The following TG variants were observed in gnomAD, a reference collection of about 807,000 sequenced individuals.
The protein encoded by TG is thyroglobulin.
In TG, 270 loss-of-function variants were observed where a neutral mutation model predicts 324.7. The observed-to-expected ratio is 0.83, with a 90% CI of 0.75 to 0.92. The LOEUF is 0.92. Among genes scored for constraint, TG ranks in the 40% least tolerant of loss-of-function variants. The pLI is 0.00. For missense variants in TG, 3,591 were observed against 3,456.4 expected (o/e 1.04, Z -0.98); for synonymous variants, 1,401 against 1,327.0 (o/e 1.06, Z -1.21).
chr8:133,115,972 T>C (rs1850647503), intron 44 of TG, among the ~76,000 whole-genome samples: 1 of 152,146 alleles, frequency 6.6e-6, no homozygotes, highest in African/African-American at 2.4e-5. Context: ...CCTTTTCCAC[T>C]GTAGGATGTT....
chr8:132,924,119 G>A (rs1278314508), intron 22 of TG, among the ~76,000 whole-genome samples: 1 of 151,922 alleles, frequency 6.6e-6, no homozygotes, highest in East Asian at 1.9e-4. Context: ...CCTGCAACTA[G>A]ATGGTCCCAT....
chr8:132,955,296 C>T (rs1826688434), intron 27 of TG, among the ~76,000 whole-genome samples: 1 of 152,180 alleles, frequency 6.6e-6, no homozygotes, highest in African/African-American at 2.4e-5. Context: ...CGCAACCTGT[C>T]ACCTGTTCAG....
At chr8:132,980,996 A>G (rs993050363) in intron 34 of TG, among the ~76,000 whole-genome samples, 3 of 152,192 alleles carry the variant, frequency 2.0e-5, no homozygotes, top group African/African-American at 4.8e-5. Context: ...TTAAAAGGTT[A>G]AGAAGCTGTT....
intron 41 of TG, among the ~76,000 whole-genome samples, chr8:133,058,153 A>G (rs916715070): frequency 2.0e-5 from 3 of 152,230 alleles, no homozygotes; most frequent in Admixed American, 6.5e-5. Flanking sequence ...TTAACACGGC[A>G]TCACTGCACC....
rs141306917 is a variant in TG at position 132,871,489 on chromosome 8, G to A, written c.416G>A (p.Trp139Ter). 6.8e-5 allele frequency: 109 copies of A among 1,614,076 alleles called. 1 individual carries two copies. The highest frequency in any genetic ancestry group is 8.1e-5 in the Non-Finnish European group (95 of 1,180,036). Reference protein sequence around the residue: ...VQCDVQQVQCWCVDAEGMEVY... With the variant: ...VQCDVQQVQC ...TGTGATGTGCAGCAGGTCCAGTGCT[G>A]GTGTGTGGACGCAGAGGGGATGGAG... Residue 139 changes from tryptophan to a stop codon, truncating the protein, a stop_gained, in exon 4 of 48, where the codon TGG becomes TAG. Transcript: ENST00000220616. LOFTEE classifies it high-confidence loss of function.
rs532523067 is a variant in TG, at chr8:132,964,185, A to G, written c.5548+1111A>G. Among the ~76,000 whole-genome samples, 5 of 152,036 alleles carry G rather than the reference A, an allele frequency of 3.3e-5. No homozygotes were observed. The East Asian group carries it at 5.8e-4, about 18-fold the overall frequency. ...AGAAGGTTCTGTCAAATCCATCATC[A>G]CACACTACTTTAGGGCTACTTTAGG... is the stretch of plus-strand genomic sequence containing the variant. On this transcript the variant is annotated intron_variant, in intron 29 of 47. Transcript: ENST00000220616.
chr8:132,971,739 G>T, intron 32 of TG, 55 bp from the exon 33 acceptor site: 1 of 1,239,118 alleles, frequency 8.1e-7, no homozygotes, highest in Non-Finnish European at 1.2e-6. Context: ...CCACCCAGTA[G>T]GTCCTGGGTC....
intron 21 of TG, among the ~76,000 whole-genome samples, chr8:132,920,701 G>A (rs756426901): frequency 5.9e-5 from 9 of 152,216 alleles, no homozygotes; most frequent in Non-Finnish European, 1.2e-4. Flanking sequence ...AGAAATGGCA[G>A]GAATAGAGGA....
chr8:132,935,791 C>T lies in TG; in HGVS notation c.4968C>T (p.Ser1656=). 6.2e-7 allele frequency: 1 copy of T among 1,612,872 alleles called. No individual in the cohort carries two copies. The highest frequency in any genetic ancestry group is 2.2e-5 in the East Asian group (1 of 44,884). Residue 1656 remains serine (S), a synonymous_variant, in exon 25 of 48, where the codon AGC becomes AGT. Transcript: ENST00000220616. Reference sequence around the variant, plus strand: ...CACTGGGGAACTCAAAGGCCACCAGCTTTGGAAGTCTTCGCTGCCAGGTGA... The same window carrying T: ...CACTGGGGAACTCAAAGGCCACCAGTTTTGGAAGTCTTCGCTGCCAGGTGA... ...RDALGNSKAT[S]FGSLRCQVKV...
rs547630618 is a variant in TG at position 133,046,816 on chromosome 8, A to G, written c.7239+16793A>G. 7.2e-5 allele frequency among the ~76,000 whole-genome samples: 11 copies of G among 152,230 alleles called. No individual in the cohort carries two copies. The South Asian group carries it at 1.7e-3, about 23-fold the overall frequency. ...GTTGATCGCAGATTTTTTTTAAATC[A>G]TATATATGTGGTCCCTGCTTTCTGA... On this transcript the variant is annotated intron_variant, in intron 41 of 47. Coordinates refer to ENST00000220616, the MANE Select transcript of TG (RefSeq NM_003235.5).
rs142335537 is a variant in TG, at chr8:132,906,700, C to T, written c.3647C>T (p.Pro1216Leu). Residue 1216 changes from proline (P) to leucine (L), a missense_variant, in exon 17 of 48, where the codon CCG (proline) becomes CTG (leucine). By Grantham distance (98) the Pro-to-Leu change is moderately conservative (BLOSUM62 -3). Transcript: ENST00000220616. ...GQPACESPRC[P>L]LPFNASEVVG... Reference sequence around the variant, plus strand: ...TTCCTTCTCCCAGGCCCGCGGTGTCCGCTGCCATTCAACGCGTCGGAGGTG... The same window carrying T: ...TTCCTTCTCCCAGGCCCGCGGTGTCTGCTGCCATTCAACGCGTCGGAGGTG... The T allele has an allele frequency of 8.9e-4, 1,430 of 1,614,114 alleles. 10 individuals carry two copies. The highest frequency in any genetic ancestry group is 5.3e-4 in the Non-Finnish European group (625 of 1,180,032).
chr8:132,871,280 T>C, intron 3 of TG, 68 bp from the exon 4 acceptor site: 1 of 1,548,898 alleles, frequency 6.5e-7, no homozygotes, highest in Non-Finnish European at 8.9e-7. Flanking sequence ...GGAGCATGAG[T>C]TTTCCTGGGC....
At chr8:132,992,033 C>T (rs956950543) in intron 35 of TG, among the ~76,000 whole-genome samples, 2 of 152,164 alleles carry the variant, frequency 1.3e-5, no homozygotes, top group African/African-American at 4.8e-5. Context: ...GAGGGAGCCA[C>T]TAGCCAATGG....
At chr8:133,041,924 A>G (rs1262759454) in intron 41 of TG, among the ~76,000 whole-genome samples, 1 of 151,116 alleles carries the variant, frequency 6.6e-6, no homozygotes, top group Admixed American at 6.6e-5. Context: ...AGTAGCTGGG[A>G]TTACAGTTGC....
chr8:132,886,975 C>T lies in TG; in HGVS notation c.1603C>T (p.Pro535Ser), dbSNP rs759045504. 4.3e-6 allele frequency: 7 copies of T among 1,614,134 alleles called. No individual in the cohort carries two copies. The South Asian group carries it at 5.5e-5, about 13-fold the overall frequency. ...AGATTCAAATTCTTCCACAGGAACC[C>T]CTGAAGCTGCTAAGAAGGATGGTAC... ...GLDSNSSTGT[P>S]EAAKKDGTMN... The change falls in exon 9 of 48, where the codon CCT (proline) becomes TCT (serine). Residue 535 changes from proline to serine, a missense_variant. Coordinates refer to ENST00000220616, the MANE Select transcript of TG (RefSeq NM_003235.5).
At chr8:133,081,729 T>C (rs540182887) in intron 41 of TG, among the ~76,000 whole-genome samples, 1 of 152,334 alleles carries the variant, frequency 6.6e-6, no homozygotes, top group East Asian at 1.9e-4. Context: ...GATCTTACTG[T>C]TCTCAGCCAT....
chr8:133,092,181 C>T (rs964797227), intron 41 of TG, among the ~76,000 whole-genome samples: 3 of 152,068 alleles, frequency 2.0e-5, no homozygotes, highest in South Asian at 2.1e-4. Flanking sequence ...TCCTTGATTG[C>T]GTGAGTGTGT....
chr8:132,984,242 G>A (rs1191837157), intron 35 of TG, among the ~76,000 whole-genome samples: 1 of 152,252 alleles, frequency 6.6e-6, no homozygotes, highest in African/African-American at 2.4e-5. Context: ...CCTGGCTGGA[G>A]AGACAGAATA....
intron 19 of TG, among the ~76,000 whole-genome samples, 166 bp from the exon 20 acceptor site, chr8:132,912,881 A>G (rs1027597194): frequency 1.3e-5 from 2 of 152,182 alleles, no homozygotes; most frequent in Non-Finnish European, 2.9e-5. Context: ...GAACCAGTTC[A>G]TCCCCTTCTC....
Sources: allele counts gnomAD v4.1 joint callset (sites outside exome capture counted in the v4.1 genomes callset), GRCh38; gene constraint gnomAD v4.1.1; transcripts MANE v1.5; gene names NCBI Gene and HGNC (gene_info 2026-07-23, HGNC 2026-07-21).